The following ASXL3 variants were observed in gnomAD, a reference collection of about 807,000 sequenced individuals.
The protein encoded by ASXL3 is putative Polycomb group protein ASXL3.
Under a neutral mutation model 170.6 loss-of-function variants are expected in ASXL3, and 34 were observed. That is an observed-to-expected ratio of 0.20 (90% CI 0.15 to 0.27). The LOEUF is 0.27. ASXL3 is among the 10% of genes least tolerant of loss of function. The pLI is 1.00. For missense variants in ASXL3, 2,592 were observed against 2,695.3 expected (o/e 0.96, Z 0.85); for synonymous variants, 1,002 against 989.1 (o/e 1.01, Z -0.24).
chr18:33,591,430 G>T (rs1041682753), intron 1 of ASXL3, among the ~76,000 whole-genome samples: 3 of 152,098 alleles, frequency 2.0e-5, no homozygotes, highest in Non-Finnish European at 4.4e-5. Flanking sequence ...ATGAGAAAAA[G>T]AAACATGCTA....
intron 2 of ASXL3, among the ~76,000 whole-genome samples, chr18:33,610,188 T>G (rs1011494645): frequency 2.0e-4 from 30 of 152,082 alleles, no homozygotes; most frequent in African/African-American, 6.8e-4. Context: ...GTTGAGTAAA[T>G]GAAGTGTAAC....
intron 4 of ASXL3, among the ~76,000 whole-genome samples, chr18:33,648,635 A>G (rs1460737284): frequency 2.0e-5 from 3 of 152,076 alleles, no homozygotes; most frequent in Non-Finnish European, 4.4e-5. Context: ...TGGCCAGTTT[A>G]TAGATGGTAG....
Position 33,738,773 on chromosome 18 carries a change from G to A in ASXL3, c.1369G>A (p.Glu457Lys). The A allele has an allele frequency of 6.2e-7, 1 of 1,613,878 alleles. No homozygotes were observed. The highest frequency in any genetic ancestry group is 8.5e-7 in the Non-Finnish European group (1 of 1,179,872). ...ESVIQEEIAE[E>K]VETSICECQD... is the part of the protein sequence containing the mutation. ...TGTAATTCAGGAGGAAATTGCAGAA[G>A]AGGTAGAGACTAGTATCTGTGAATG... The change falls in exon 11 of 12, where the codon GAG becomes AAG. Residue 457 changes from glutamate (E) to lysine (K), a missense_variant. Transcript: ENST00000269197.
chr18:33,650,801 A>T (rs2145210183), intron 4 of ASXL3, among the ~76,000 whole-genome samples: 1 of 152,192 alleles, frequency 6.6e-6, no homozygotes, highest in East Asian at 1.9e-4. Flanking sequence ...TAAATAGCTT[A>T]TTTCCTTGAG....
chr18:33,745,485 A>G lies in ASXL3; in HGVS notation c.5637A>G (p.Leu1879=), dbSNP rs1481121609. 1 of 1,614,030 alleles carries G rather than the reference A, an allele frequency of 6.2e-7. No homozygotes were observed. The highest frequency in any genetic ancestry group is 1.3e-5 in the African/African-American group (1 of 75,068). The part of the protein sequence containing the change: ...GHSQPFKQEW[L]NKHSMQNRIV... ...GCCAGCCATTTAAGCAAGAATGGCT[A>G]AACAAGCACTCCATGCAGAACAGAA... Residue 1879 remains leucine (L), a synonymous_variant, in exon 12 of 12, where the codon CTA becomes CTG. Transcript: ENST00000269197.
Position 33,683,525 on chromosome 18 carries a change from T to A in ASXL3, c.836T>A (p.Phe279Tyr). ...KHTFASLPQH[F>Y]QQYLLLLLPE... The stretch of plus-strand genomic sequence containing the variant: ...ACGTTTGCTTCCTTACCTCAGCATT[T>A]TCAACAATACCTCCTGCTTTTGCTC... The change falls in exon 8 of 12, where the codon TTT (phenylalanine) becomes TAT (tyrosine). Residue 279 changes from phenylalanine to tyrosine, a missense_variant. By Grantham distance (22) the Phe-to-Tyr change is conservative. Around this residue, in one of 4 missense-constraint regions of ASXL3, gnomAD observed 73 missense variants for 142.7 expected, o/e 0.51. Coordinates refer to ENST00000269197, the MANE Select transcript of ASXL3 (RefSeq NM_030632.3). 6.2e-7 allele frequency: 1 copy of A among 1,613,510 alleles called. No homozygotes were observed. Among genetic ancestry groups the A allele is most frequent in the Non-Finnish European group, 8.5e-7 (1 of 1,179,682 alleles).
In ASXL3 at chr18:33,750,827, A is replaced by C. The variant is rs1411303976; in HGVS notation, c.*4232A>C. The C allele has an allele frequency of 6.6e-6, 1 of 152,240 alleles. No individual in the cohort carries two copies. The highest frequency in any genetic ancestry group is 2.4e-5 in the African/African-American group (1 of 41,476). 9.4% of individuals were successfully genotyped at this position (152,240 alleles called of 1,614,324 possible). A position where few individuals can be genotyped will look rare whatever the true frequency, so the allele number is the denominator to read the frequency against. On this transcript the variant is annotated 3_prime_UTR_variant, in exon 12 of 12. Transcript: ENST00000269197. Reference sequence around the variant, plus strand: ...ATTATTCCCACAGGAAAAACTCAGAAAAGGTGTGTAAAATCCTCAGAAGGG... The same window carrying C: ...ATTATTCCCACAGGAAAAACTCAGACAAGGTGTGTAAAATCCTCAGAAGGG...
At chr18:33,615,247 C>G (rs749083157) in intron 2 of ASXL3, among the ~76,000 whole-genome samples, 3 of 152,124 alleles carry the variant, frequency 2.0e-5, no homozygotes, top group Non-Finnish European at 2.9e-5. Flanking sequence ...CTTCACTTTG[C>G]ACTTTTATGT....
intron 10 of ASXL3, among the ~76,000 whole-genome samples, chr18:33,735,400 G>C (rs1407631195): frequency 6.6e-6 from 1 of 152,236 alleles, no homozygotes; most frequent in Middle Eastern, 3.4e-3. Flanking sequence ...TGAGTAGGAA[G>C]GCCTGTTTTT....
At chr18:33,741,360 GAT>G (rs1201266651) in intron 11 of ASXL3, among the ~76,000 whole-genome samples, 1 of 152,018 alleles carries the variant, frequency 6.6e-6, no homozygotes, top group Non-Finnish European at 1.5e-5. Flanking sequence ...TCCTGGTTGT[GAT>G]ATGTTAGAAT....
At chr18:33,684,028 C>G (rs8090361) in intron 8 of ASXL3, among the ~76,000 whole-genome samples, 15,478 of 152,030 alleles carry the variant, frequency 0.1, 999 homozygotes, top group South Asian at 0.19. Flanking sequence ...ATATGATTGC[C>G]TATAAATAAT....
intron 2 of ASXL3, among the ~76,000 whole-genome samples, chr18:33,613,922 C>A (rs543157761): frequency 1.5e-4 from 23 of 152,180 alleles, no homozygotes; most frequent in Non-Finnish European, 2.9e-4. Flanking sequence ...GAGACCCTGT[C>A]TGAAAACCAA....
Position 33,674,898 on chromosome 18 carries a change from G to A in ASXL3, c.715+3032G>A, listed in dbSNP as rs146600746. Among the ~76,000 whole-genome samples, 680 of 152,280 alleles carry A rather than the reference G, an allele frequency of 4.5e-3. 4 individuals carry two copies. Among genetic ancestry groups the A allele is most frequent in the African/African-American group, 0.015 (640 of 41,540 alleles). On this transcript the variant is annotated intron_variant, in intron 7 of 11. Coordinates refer to ENST00000269197, the MANE Select transcript of ASXL3 (RefSeq NM_030632.3). ...TTCCCAAAGTGCTGGGATTACAGGCGTGAGCCACCGCACCCAGCCACCCAT... is the reference window on the plus strand; with the variant it reads ...TTCCCAAAGTGCTGGGATTACAGGCATGAGCCACCGCACCCAGCCACCCAT...
At chr18:33,657,077 G>A (rs746825627) in intron 4 of ASXL3, among the ~76,000 whole-genome samples, 14 of 152,248 alleles carry the variant, frequency 9.2e-5, no homozygotes, top group Middle Eastern at 3.4e-3. Flanking sequence ...CACCAGAATT[G>A]CAGGGACTGT....
At position 33,686,042 on chromosome 18, in the gene ASXL3, A is replaced by G. The variant is rs552644164; in HGVS notation, c.879+2474A>G. ...AACGGATTGTCTTAGTTTTAGTCGAATATTGATGGCCAGAATCTAAGCCCA... is the reference window on the plus strand; with the variant it reads ...AACGGATTGTCTTAGTTTTAGTCGAGTATTGATGGCCAGAATCTAAGCCCA... On this transcript the variant is annotated intron_variant, in intron 8 of 11. Transcript: ENST00000269197. Among the ~76,000 whole-genome samples the G allele has an allele frequency of 2.6e-5, 4 of 152,362 alleles. No homozygotes were observed. The East Asian group carries it at 7.7e-4, about 29-fold the overall frequency.
rs190751088 is a variant in ASXL3, at chr18:33,659,716, G to C, written c.356-1900G>C. 9.6e-4 allele frequency among the ~76,000 whole-genome samples: 146 copies of C among 152,226 alleles called. 1 individual carries two copies. Among genetic ancestry groups the C allele is most frequent in the African/African-American group, 3.0e-3 (124 of 41,560 alleles). ...TATTCCAGTGATTATTTAAAGGAGAGAAGCCTAGGAAGCATAGTTTATGTG... is the reference window on the plus strand; with the variant it reads ...TATTCCAGTGATTATTTAAAGGAGACAAGCCTAGGAAGCATAGTTTATGTG... On this transcript the variant is annotated intron_variant, in intron 4 of 11. Transcript: ENST00000269197.
chr18:33,725,792 G>A (rs745740584), intron 8 of ASXL3, among the ~76,000 whole-genome samples: 1 of 152,054 alleles, frequency 6.6e-6, no homozygotes, highest in Admixed American at 6.6e-5. Context: ...TACTCAGTTA[G>A]CAAGCCTTAT....
Position 33,745,919 on chromosome 18 carries a change from C to CA in ASXL3, c.6071_6072insA (p.Pro2025SerfsTer23), listed in dbSNP as rs2067777344. 4.4e-6 allele frequency: 7 copies of CA among 1,577,800 alleles called. No individual in the cohort carries two copies. The highest frequency in any genetic ancestry group is 6.0e-6 in the Non-Finnish European group (7 of 1,165,008). ...CATCCGCCGCCGCCACCGCCTCCCC[C>CA]TCCCCCTCCACCCTTGGCTTTGCCC... On this transcript the variant is annotated frameshift_variant, in exon 12 of 12. Coordinates refer to ENST00000269197, the MANE Select transcript of ASXL3 (RefSeq NM_030632.3). LOFTEE classifies it high-confidence loss of function.
Position 33,643,879 on chromosome 18 carries a change from T to C in ASXL3, c.138-1015T>C, listed in dbSNP as rs188169920. 8.2e-4 allele frequency among the ~76,000 whole-genome samples: 124 copies of C among 151,824 alleles called. 1 individual carries two copies. The highest frequency in any genetic ancestry group is 2.9e-3 in the African/African-American group (121 of 41,500). On this transcript the variant is annotated intron_variant, in intron 2 of 11. Transcript: ENST00000269197. ...CCATAATTCCTAAGAAGCATGTGAGTGTAGTGGGGTTAGGGCTTTTAACTA... is the reference window on the plus strand; with the variant it reads ...CCATAATTCCTAAGAAGCATGTGAGCGTAGTGGGGTTAGGGCTTTTAACTA...
Sources: gnomAD v4.1 joint callset for allele counts (sites outside exome capture counted in the v4.1 genomes callset) on GRCh38, gnomAD v4.1.1 for gene constraint, gnomAD v4.1.1 regional missense constraint, MANE v1.5 for transcripts, NCBI Gene and HGNC (gene_info 2026-07-23, HGNC 2026-07-21) for gene names.